KATNBL1: variants seen among roughly 807,000 people sequenced by gnomAD.
The protein encoded by KATNBL1 is KATNB1-like protein 1.
KATNBL1 carries 28 observed loss-of-function variants against 44.7 expected under a neutral mutation model. The observed-to-expected ratio is 0.63, with a 90% CI of 0.46 to 0.86. The LOEUF is 0.86. Ranked by LOEUF, KATNBL1 falls within the 40% of genes least tolerant of loss-of-function variation. The pLI, the probability that KATNBL1 is intolerant of heterozygous loss-of-function variation, is 0.00. For synonymous variants in KATNBL1, 78 were observed against 114.9 expected (o/e 0.68, Z 2.06); for missense variants, 272 against 350.7 (o/e 0.78, Z 1.79).
chr15:34,206,958 AAATAT>A, intron 1 of KATNBL1, among the ~76,000 whole-genome samples: 1 of 152,210 alleles, frequency 6.6e-6, no homozygotes, highest in East Asian at 1.9e-4. Context: ...ATGGATCAAC[AAATAT>A]AATGATTGAT....
chr15:34,182,012 A>G (rs897372723), intron 1 of KATNBL1, among the ~76,000 whole-genome samples: 2 of 151,578 alleles, frequency 1.3e-5, no homozygotes, highest in African/African-American at 4.8e-5. Flanking sequence ...GGCACTGAAG[A>G]CATATTATCC....
chr15:34,151,436 CT>C (rs58824450), intron 4 of KATNBL1, among the ~76,000 whole-genome samples: 13 of 60,708 alleles, frequency 2.1e-4, no homozygotes, highest in African/African-American at 7.4e-4. Flanking sequence ...CCTTTGCCTA[CT>C]TTTTTTTTTT....
intron 1 of KATNBL1, among the ~76,000 whole-genome samples, chr15:34,167,472 T>TA (rs1889015021): frequency 3.0e-5 from 4 of 133,686 alleles, no homozygotes; most frequent in African/African-American, 1.2e-4. Context: ...CTATGTTTGA[T>TA]TGTGTACCTG....
rs1459594521 is a variant in KATNBL1 at position 34,209,961 on chromosome 15, T to C, written c.-25A>G. 1 of 151,498 alleles carries C rather than the reference T, an allele frequency of 6.6e-6. No homozygotes were observed. The highest frequency in any genetic ancestry group is 1.5e-5 in the Non-Finnish European group (1 of 67,798). The allele number at this position is 151,498 out of a possible 1,614,324, so 9.4% of individuals were successfully genotyped here. On this transcript the variant is annotated 5_prime_UTR_variant, in exon 1 of 10. The change abolishes an upstream ATG in the 5' untranslated region. Transcript: ENST00000256544. ...TCGGCAGTCACTTACCGGCGCCTCA[T>C]GGTACCGCGGCGCCTCAGCCCAGCC...
At position 34,141,579 on chromosome 15, in the gene KATNBL1, T is replaced by C. The variant is rs1388902813; in HGVS notation, c.*760A>G. The C allele has an allele frequency of 6.6e-6, 1 of 152,574 alleles. No homozygotes were observed. The highest frequency in any genetic ancestry group is 2.4e-5 in the African/African-American group (1 of 41,452). 9.5% of individuals were successfully genotyped at this position (152,574 alleles called of 1,614,324 possible). Reference sequence around the variant, plus strand: ...TCCTTAGATAGGGATAACACATTCATACATGACATGATGATTCTGGCAAAA... The same window carrying C: ...TCCTTAGATAGGGATAACACATTCACACATGACATGATGATTCTGGCAAAA... On this transcript the variant is annotated 3_prime_UTR_variant, in exon 10 of 10. Transcript: ENST00000256544.
At chr15:34,156,998 G>A (rs1296290856) in intron 2 of KATNBL1, among the ~76,000 whole-genome samples, 2 of 152,264 alleles carry the variant, frequency 1.3e-5, no homozygotes, top group East Asian at 1.9e-4. Flanking sequence ...TGGAATCTCC[G>A]TCAAACTCTT....
chr15:34,151,010 T>C lies in KATNBL1; in HGVS notation c.438+1780A>G, dbSNP rs542924178. ...CATATTTTCTTTATCCAGTTTACCA[T>C]TGATGGGCATTTCGATTGATTCCTT... On this transcript the variant is annotated intron_variant, in intron 4 of 9. Transcript: ENST00000256544. Among the ~76,000 whole-genome samples the C allele has an allele frequency of 1.5e-4, 23 of 152,344 alleles. No individual in the cohort carries two copies. In the South Asian group the frequency reaches 2.3e-3, roughly 15 times the overall value.
At chr15:34,187,473 G>A (rs1275477842) in intron 1 of KATNBL1, among the ~76,000 whole-genome samples, 2 of 152,090 alleles carry the variant, frequency 1.3e-5, no homozygotes, top group East Asian at 1.9e-4. Context: ...CAGAAAAATC[G>A]ACACCCCAGA....
At chr15:34,197,211 T>C (rs902957041) in intron 1 of KATNBL1, among the ~76,000 whole-genome samples, 1 of 152,260 alleles carries the variant, frequency 6.6e-6, no homozygotes, top group African/African-American at 2.4e-5. Context: ...AGTTTGCTTT[T>C]GAAAAATTTA....
intron 4 of KATNBL1, 25 bp downstream of exon 4, chr15:34,152,765 G>A: frequency 6.4e-7 from 1 of 1,563,088 alleles, no homozygotes. Context: ...AGTTAAACTA[G>A]ATATGAGTTA....
intron 1 of KATNBL1, among the ~76,000 whole-genome samples, chr15:34,167,845 A>G (rs984135530): frequency 6.6e-6 from 1 of 152,236 alleles, no homozygotes; most frequent in African/African-American, 2.4e-5. Flanking sequence ...ACTAAGCTTC[A>G]TAAGTGAAGG....
intron 1 of KATNBL1, among the ~76,000 whole-genome samples, chr15:34,178,406 T>C (rs1332167547): frequency 1.3e-5 from 2 of 152,094 alleles, no homozygotes; most frequent in Admixed American, 1.3e-4. Context: ...AGTTTTCCCA[T>C]GAGGCAGCTA....
intron 2 of KATNBL1, among the ~76,000 whole-genome samples, chr15:34,160,356 C>T (rs1462403704): frequency 6.6e-6 from 1 of 152,106 alleles, no homozygotes; most frequent in African/African-American, 2.4e-5. Context: ...ACTTTTTGGG[C>T]TTCTCTTAGA....
chr15:34,180,771 T>C (rs777325311), intron 1 of KATNBL1, among the ~76,000 whole-genome samples: 8 of 151,992 alleles, frequency 5.3e-5, no homozygotes, highest in Middle Eastern at 3.2e-3. Context: ...TTTTCTCAAA[T>C]CTTCTTTCAG....
In KATNBL1 at chr15:34,143,577, C is replaced by T. The variant is rs546036400; in HGVS notation, c.883-1206G>A. Among the ~76,000 whole-genome samples the T allele has an allele frequency of 4.0e-5, 6 of 151,646 alleles. No homozygotes were observed. The South Asian group carries it at 6.2e-4, about 16-fold the overall frequency. Reference sequence around the variant, plus strand: ...AACAACCCTTTAGAGCAAGGTAATACGTCATGTATGCTCTAAAAACCTAAA... The same window carrying T: ...AACAACCCTTTAGAGCAAGGTAATATGTCATGTATGCTCTAAAAACCTAAA... On this transcript the variant is annotated intron_variant, in intron 9 of 9. Coordinates refer to ENST00000256544, the MANE Select transcript of KATNBL1 (RefSeq NM_024713.3).
At position 34,143,582 on chromosome 15, in the gene KATNBL1, T is replaced by C. The variant is rs183294202; in HGVS notation, c.883-1211A>G. On this transcript the variant is annotated intron_variant, in intron 9 of 9. Coordinates refer to ENST00000256544, the MANE Select transcript of KATNBL1 (RefSeq NM_024713.3). The stretch of plus-strand genomic sequence containing the variant: ...CCCTTTAGAGCAAGGTAATACGTCA[T>C]GTATGCTCTAAAAACCTAAAACAAC... Among the ~76,000 whole-genome samples the C allele has an allele frequency of 7.0e-4, 106 of 151,810 alleles. 1 individual carries two copies. Among genetic ancestry groups the C allele is most frequent in the Non-Finnish European group, 1.0e-3 (71 of 67,966 alleles).
chr15:34,197,180 C>T (rs57009765), intron 1 of KATNBL1, among the ~76,000 whole-genome samples: 3,918 of 152,220 alleles, frequency 0.026, 175 homozygotes, highest in African/African-American at 0.09. Context: ...ATCTGACAAA[C>T]GATGAACAAT....
chr15:34,174,463 C>G (rs142768763), intron 1 of KATNBL1, among the ~76,000 whole-genome samples: 2 of 152,120 alleles, frequency 1.3e-5, no homozygotes, highest in Non-Finnish European at 2.9e-5. Context: ...AACTGATAGA[C>G]TTAAGCTCTG....
At position 34,145,498 on chromosome 15, in the gene KATNBL1, GA is replaced by G. The variant is rs531620985; in HGVS notation, c.789-8del. ...TTTTAAAATTTGAATATTTCTAAAA[GA>G]AAAAAAAGGAAGAAAAATGAGAAAG... On this transcript the variant is annotated splice_region_variant and splice_polypyrimidine_tract_variant and intron_variant, in intron 8 of 9. Coordinates refer to ENST00000256544, the MANE Select transcript of KATNBL1 (RefSeq NM_024713.3). 188 of 1,413,434 alleles carry G rather than the reference GA, an allele frequency of 1.3e-4. No homozygotes were observed. The highest frequency in any genetic ancestry group is 1.1e-3 in the South Asian group (63 of 57,798). The allele number at this position is 1,413,434 out of a possible 1,614,324, so 87.6% of individuals were successfully genotyped here.
Sources: allele counts gnomAD v4.1 joint callset (sites outside exome capture counted in the v4.1 genomes callset), GRCh38; gene constraint gnomAD v4.1.1; transcripts MANE v1.5; gene names NCBI Gene and HGNC (gene_info 2026-07-23, HGNC 2026-07-21).